LRCH1: variants seen among roughly 807,000 people sequenced by gnomAD.
LRCH1 encodes the protein leucine-rich repeat and calponin homology domain-containing protein 1.
In LRCH1, 23 loss-of-function variants were observed where a neutral mutation model predicts 94.9. That is an observed-to-expected ratio of 0.24 (90% CI 0.17 to 0.34). The LOEUF is 0.34. Ranked by LOEUF, LRCH1 falls within the 10% of genes least tolerant of loss-of-function variation. The probability of loss-of-function intolerance (pLI) is 1.00; values close to 1 mark genes in which losing one functional copy is unlikely to be tolerated. For missense variants in LRCH1, 790 were observed against 945.9 expected, an observed-to-expected ratio of 0.84 and a Z score of 2.16; for synonymous variants, 364 against 354.9, an observed-to-expected ratio of 1.03 and a Z score of -0.29.
At chr13:46,633,247 T>A (rs1348880231) in intron 1 of LRCH1, among the ~76,000 whole-genome samples, 1 of 152,224 alleles carries the variant, frequency 6.6e-6, no homozygotes, top group Non-Finnish European at 1.5e-5. Flanking sequence ...GAGTCTAACT[T>A]CTCAATAAAC....
intron 1 of LRCH1, among the ~76,000 whole-genome samples, chr13:46,592,123 G>T (rs1168309558): frequency 6.6e-6 from 1 of 152,200 alleles, no homozygotes; most frequent in African/African-American, 2.4e-5. Context: ...TCTTTCCACT[G>T]GAAGGAACAG....
chr13:46,747,929 T>TG (rs1357928667), downstream of LRCH1, among the ~76,000 whole-genome samples: 7 of 152,122 alleles, frequency 4.6e-5, no homozygotes, highest in East Asian at 7.7e-4. Flanking sequence ...TTTGGAGAAA[T>TG]GGGGGTCTCA....
intron 9 of LRCH1, 42 bp from the exon 10 acceptor site, chr13:46,699,294 G>C (rs1871345624): frequency 6.5e-7 from 1 of 1,536,460 alleles, no homozygotes; most frequent in East Asian, 2.2e-5. Flanking sequence ...TGACTACTGA[G>C]TAGCCAATGG....
Position 46,723,237 on chromosome 13 carries a change from G to A in LRCH1, c.1776G>A (p.Gln592=), listed in dbSNP as rs775479013. 2.5e-6 allele frequency: 4 copies of A among 1,610,902 alleles called. No homozygotes were observed. Among genetic ancestry groups the A allele is most frequent in the Admixed American group, 3.3e-5 (2 of 59,882 alleles). The stretch of plus-strand genomic sequence containing the variant: ...GTATTGTAGTGTTTCTAAGACCTCA[G>A]AGAAATTTGGAATCTATAGACCCGC... ...GDSDNVFLRP[Q]RNLESIDPQF... The change falls in exon 17 of 20, where the codon CAG becomes CAA. Residue 592 remains glutamine, a synonymous_variant. Coordinates refer to ENST00000389797, the MANE Select transcript of LRCH1 (RefSeq NM_001164211.2).
At chr13:46,609,747 G>A (rs2050726614) in intron 1 of LRCH1, among the ~76,000 whole-genome samples, 1 of 152,114 alleles carries the variant, frequency 6.6e-6, no homozygotes, top group Admixed American at 6.5e-5. Flanking sequence ...CAATAATTAA[G>A]TAATTTTTAA....
intron 1 of LRCH1, among the ~76,000 whole-genome samples, chr13:46,625,336 C>T (rs1391759266): frequency 6.6e-6 from 1 of 152,192 alleles, no homozygotes; most frequent in African/African-American, 2.4e-5. Flanking sequence ...GCGTTTGTGT[C>T]CCCCCACCCC....
At chr13:46,576,051 C>T (rs755261732) in intron 1 of LRCH1, among the ~76,000 whole-genome samples, 9 of 152,142 alleles carry the variant, frequency 5.9e-5, no homozygotes, top group East Asian at 1.9e-4. Context: ...CCTGGACAAA[C>T]GTTGGAATTA....
At chr13:46,573,915 C>T (rs1406032522) in intron 1 of LRCH1, among the ~76,000 whole-genome samples, 8 of 133,272 alleles carry the variant, frequency 6.0e-5, no homozygotes, top group South Asian at 2.5e-4. Context: ...CAGACTGGAG[C>T]GCAGTGGCAT....
intron 1 of LRCH1, among the ~76,000 whole-genome samples, chr13:46,598,170 A>G (rs1479710476): frequency 1.3e-5 from 2 of 152,206 alleles, no homozygotes; most frequent in African/African-American, 4.8e-5. Context: ...TAAAATGACA[A>G]TAGAGTTTAA....
At chr13:46,654,052 A>G (rs1009808355) in intron 2 of LRCH1, among the ~76,000 whole-genome samples, 3 of 152,252 alleles carry the variant, frequency 2.0e-5, no homozygotes, top group African/African-American at 7.2e-5. Context: ...ATTTATTAGT[A>G]TCTGTGAAAC....
At chr13:46,575,251 T>C (rs1434774065) in intron 1 of LRCH1, among the ~76,000 whole-genome samples, 7 of 149,744 alleles carry the variant, frequency 4.7e-5, no homozygotes, top group African/African-American at 7.3e-5. Context: ...ATTGTATTAA[T>C]TTTTTTTTTA....
At chr13:46,558,897 C>G (rs73484199) in intron 1 of LRCH1, among the ~76,000 whole-genome samples, 2 of 152,162 alleles carry the variant, frequency 1.3e-5, no homozygotes, top group Admixed American at 6.5e-5. Flanking sequence ...TTGAGGACTC[C>G]GGAAATGGCT....
intron 1 of LRCH1, among the ~76,000 whole-genome samples, chr13:46,635,005 G>A (rs2051066287): frequency 6.6e-6 from 1 of 152,164 alleles, no homozygotes; most frequent in African/African-American, 2.4e-5. Context: ...TAAACCAGTA[G>A]TTTTGAAAAG....
At chr13:46,724,946 G>T (rs1872742523) in intron 17 of LRCH1, among the ~76,000 whole-genome samples, 1 of 152,122 alleles carries the variant, frequency 6.6e-6, no homozygotes, top group Non-Finnish European at 1.5e-5. Context: ...AAAGACTTGG[G>T]ATCAACCCAG....
At chr13:46,702,377 C>T (rs1000794185) in intron 11 of LRCH1, among the ~76,000 whole-genome samples, 1 of 152,136 alleles carries the variant, frequency 6.6e-6, no homozygotes, top group Non-Finnish European at 1.5e-5. Context: ...TGCCATGCGC[C>T]TGTAATCCCA....
chr13:46,737,815 A>G (rs1283938083), intron 19 of LRCH1, among the ~76,000 whole-genome samples: 3 of 152,258 alleles, frequency 2.0e-5, no homozygotes, highest in Non-Finnish European at 2.9e-5. Flanking sequence ...GGTACAGTTC[A>G]TGGTTGACTA....
chr13:46,619,059 TCTTTTTTCCTTCC>T (rs1301052831), intron 1 of LRCH1, among the ~76,000 whole-genome samples: 3 of 124,630 alleles, frequency 2.4e-5, no homozygotes, highest in South Asian at 5.1e-4. Flanking sequence ...TCTTTTCTTT[TCTTTTTTCCTTCC>T]TTCCTTCCTT....
intron 1 of LRCH1, among the ~76,000 whole-genome samples, chr13:46,571,866 TG>T (rs1400037802): frequency 6.8e-6 from 1 of 148,076 alleles, no homozygotes; most frequent in East Asian, 2.1e-4. Flanking sequence ...ATGTGGCACT[TG>T]GGGTATGTGT....
At chr13:46,733,720 A>G (rs1873228222) in intron 18 of LRCH1, among the ~76,000 whole-genome samples, 1 of 152,160 alleles carries the variant, frequency 6.6e-6, no homozygotes, top group African/African-American at 2.4e-5. Flanking sequence ...GAAGAATAGA[A>G]TCTAAAATAT....
Sources: allele counts gnomAD v4.1 joint callset (sites outside exome capture counted in the v4.1 genomes callset), GRCh38; gene constraint gnomAD v4.1.1; transcripts MANE v1.5; gene names NCBI Gene and HGNC (gene_info 2026-07-23, HGNC 2026-07-21).